The following PFDN2 variants were observed in gnomAD, a reference collection of about 807,000 sequenced individuals.
PFDN2 encodes the protein prefoldin 2.
Under a neutral mutation model 18.3 loss-of-function variants are expected in PFDN2, and 7 were observed. The observed-to-expected ratio is 0.38, with a 90% CI of 0.22 to 0.72. The LOEUF (loss-of-function observed/expected upper bound fraction) is 0.72, where lower values mean the gene tolerates loss of function less well. Among genes scored for constraint, PFDN2 ranks in the 30% least tolerant of loss-of-function variants. The pLI, the probability that PFDN2 is intolerant of heterozygous loss-of-function variation, is 0.47. For synonymous variants in PFDN2, 76 were observed against 75.0 expected (o/e 1.01, Z -0.07); for missense variants, 181 against 199.1 (o/e 0.91, Z 0.55).
chr1:161,115,798 T>C (rs1471485767), intron 1 of PFDN2, among the ~76,000 whole-genome samples: 2 of 152,150 alleles, frequency 1.3e-5, no homozygotes, highest in Admixed American at 6.5e-5. Flanking sequence ...AGAAAAAACA[T>C]AGAGTTCAAT....
Position 161,117,077 on chromosome 1 carries a change from A to G in PFDN2, c.75+875T>C, listed in dbSNP as rs535185420. On this transcript the variant is annotated intron_variant, in intron 1 of 3. Transcript: ENST00000368010. ...GTGAAACCCCGTCTCTACTAAAAAT[A>G]CAAAAATTAGCCAGGTGTGGCGGCG... Among the ~76,000 whole-genome samples the G allele has an allele frequency of 5.9e-5, 9 of 152,110 alleles. No homozygotes were observed. In the South Asian group the frequency reaches 1.2e-3, roughly 21 times the overall value.
intron 1 of PFDN2, among the ~76,000 whole-genome samples, chr1:161,115,482 T>G (rs1198559071): frequency 6.6e-6 from 1 of 152,248 alleles, no homozygotes; most frequent in Non-Finnish European, 1.5e-5. Context: ...ATATGCTACC[T>G]GCCCTTTAGT....
At chr1:161,108,296 T>C (rs1346957007) in intron 1 of PFDN2, among the ~76,000 whole-genome samples, 1 of 150,966 alleles carries the variant, frequency 6.6e-6, no homozygotes, top group African/African-American at 2.4e-5. Flanking sequence ...CTACTAAAAA[T>C]AATACCAAAA....
intron 1 of PFDN2, among the ~76,000 whole-genome samples, chr1:161,111,497 T>C (rs190331169): frequency 5.3e-4 from 81 of 152,282 alleles, no homozygotes; most frequent in African/African-American, 1.9e-3. Flanking sequence ...CTATACCCAC[T>C]AAAAGTCAGT....
chr1:161,105,218 C>T (rs953719847), intron 1 of PFDN2, among the ~76,000 whole-genome samples: 2 of 152,108 alleles, frequency 1.3e-5, no homozygotes, highest in Non-Finnish European at 2.9e-5. Flanking sequence ...TCAAGTGATC[C>T]TTCTGCCTCA....
rs745995102 is a variant in PFDN2, at chr1:161,102,319, T to G, written c.132A>C (p.Ala44=). The G allele has an allele frequency of 1.2e-6, 2 of 1,614,206 alleles. No individual in the cohort carries two copies. Among genetic ancestry groups the G allele is most frequent in the Admixed American group, 3.3e-5 (2 of 60,032 alleles). Reference sequence around the variant, plus strand: ...CATTCAACTCCATCTCCAACTCAGCTGCTTTGGATGCCAGGCCTCGCTGTT... The same window carrying G: ...CATTCAACTCCATCTCCAACTCAGCGGCTTTGGATGCCAGGCCTCGCTGTT... ...RQEQRGLASK[A]AELEMELNEH... The change falls in exon 2 of 4, where the codon GCA becomes GCC. Residue 44 remains alanine, a synonymous_variant. Transcript: ENST00000368010.
At chr1:161,114,449 T>G (rs991436546) in intron 1 of PFDN2, among the ~76,000 whole-genome samples, 1 of 152,250 alleles carries the variant, frequency 6.6e-6, no homozygotes, top group Non-Finnish European at 1.5e-5. Flanking sequence ...CTTAGTGTTT[T>G]GGAACACATT....
chr1:161,106,223 G>A (rs562286723), intron 1 of PFDN2, among the ~76,000 whole-genome samples: 1 of 152,146 alleles, frequency 6.6e-6, no homozygotes, highest in Non-Finnish European at 1.5e-5. Context: ...AGCTTCCTGA[G>A]GCCACCCCAG....
intron 1 of PFDN2, among the ~76,000 whole-genome samples, chr1:161,103,438 G>A (rs886981193): frequency 1.3e-4 from 20 of 150,262 alleles, no homozygotes; most frequent in African/African-American, 4.4e-4. Flanking sequence ...GCCTGTAATC[G>A]CAGCACTTTG....
At chr1:161,102,434 T>TA in intron 1 of PFDN2, 59 bp from the exon 2 acceptor site, 1 of 1,320,060 alleles carries the variant, frequency 7.6e-7, no homozygotes, top group Non-Finnish European at 1.1e-6. Flanking sequence ...AGGGTCCAGA[T>TA]AGCACATAGG....
rs546920852 is a variant in PFDN2 at position 161,105,606 on chromosome 1, T to C, written c.76-3231A>G. On this transcript the variant is annotated intron_variant, in intron 1 of 3. Coordinates refer to ENST00000368010, the MANE Select transcript of PFDN2 (RefSeq NM_012394.4). Reference sequence around the variant, plus strand: ...CCAAGTAGCTGGGACTACATGTGCATACCACCACACCAAGGTAATTTTTAT... The same window carrying C: ...CCAAGTAGCTGGGACTACATGTGCACACCACCACACCAAGGTAATTTTTAT... Among the ~76,000 whole-genome samples the C allele has an allele frequency of 1.7e-3, 266 of 152,180 alleles. 2 individuals are homozygous for C. The highest frequency in any genetic ancestry group is 6.0e-3 in the African/African-American group (248 of 41,508).
At chr1:161,104,224 G>A (rs1654634831) in intron 1 of PFDN2, among the ~76,000 whole-genome samples, 1 of 152,112 alleles carries the variant, frequency 6.6e-6, no homozygotes, top group South Asian at 2.1e-4. Context: ...GAACAGTGAA[G>A]TACATTAATG....
intron 3 of PFDN2, 70 bp downstream of exon 3, chr1:161,101,978 C>A: frequency 6.4e-7 from 1 of 1,560,650 alleles, no homozygotes; most frequent in Non-Finnish European, 8.8e-7. Flanking sequence ...AAGAGTCCAC[C>A]TGCCTTGGCC....
At chr1:161,107,423 T>G (rs1482425963) in intron 1 of PFDN2, among the ~76,000 whole-genome samples, 2 of 55,900 alleles carry the variant, frequency 3.6e-5, no homozygotes, top group East Asian at 1.2e-3. Context: ...AGACTCTGTC[T>G]CAAAAAAAAA....
chr1:161,101,005 T>G (rs1443198352), intron 3 of PFDN2, 146 bp from the exon 4 acceptor site: 6 of 587,568 alleles, frequency 1.0e-5, no homozygotes, highest in Non-Finnish European at 1.8e-5. Flanking sequence ...TATTCCTTTC[T>G]TGAACACAGT....
intron 1 of PFDN2, 78 bp from the exon 2 acceptor site, chr1:161,102,453 CT>C: frequency 8.7e-7 from 1 of 1,152,444 alleles, no homozygotes; most frequent in Non-Finnish European, 1.3e-6. Context: ...GGGTGGCAGG[CT>C]TTACAAAGGT....
chr1:161,108,556 C>T (rs1168825611), intron 1 of PFDN2, among the ~76,000 whole-genome samples: 1 of 149,938 alleles, frequency 6.7e-6, no homozygotes, highest in Non-Finnish European at 1.5e-5. Flanking sequence ...TAGAGTGAGA[C>T]TCCATCTCAA....
At chr1:161,108,126 C>A (rs11265552) in intron 1 of PFDN2, among the ~76,000 whole-genome samples, 31,007 of 127,100 alleles carry the variant, frequency 0.24, 4,228 homozygotes, top group East Asian at 0.38. Context: ...AAAAAAAAAA[C>A]AAAAACAAAA....
At chr1:161,117,659 T>G (rs534286718) in intron 1 of PFDN2, among the ~76,000 whole-genome samples, 2 of 152,214 alleles carry the variant, frequency 1.3e-5, no homozygotes, top group African/African-American at 2.4e-5. Flanking sequence ...TGAGGAGAGA[T>G]AGAGAAAGCA....
Sources: allele counts gnomAD v4.1 joint callset (sites outside exome capture counted in the v4.1 genomes callset), GRCh38; gene constraint gnomAD v4.1.1; transcripts MANE v1.5; gene names NCBI Gene and HGNC (gene_info 2026-07-23, HGNC 2026-07-21).